Variants in IPO4 observed in about 807,000 individuals in gnomAD.
The protein encoded by IPO4 is importin 4.
Under a neutral mutation model 133.5 loss-of-function variants are expected in IPO4, and 91 were observed. The ratio of observed to expected loss-of-function variants is 0.68; its 90% CI spans 0.58 to 0.81. The LOEUF (loss-of-function observed/expected upper bound fraction) is 0.81. Ranked by LOEUF, IPO4 falls within the 30% of genes least tolerant of loss-of-function variation. The pLI, the probability that IPO4 is intolerant of heterozygous loss-of-function variation, is 0.00. For missense variants in IPO4, 1,279 were observed against 1,386.2 expected, an observed-to-expected ratio of 0.92 and a Z score of 1.23; for synonymous variants, 607 against 581.6, an observed-to-expected ratio of 1.04 and a Z score of -0.63.
chr14:24,187,418 G>A lies in IPO4; in HGVS notation c.570C>T (p.Tyr190=). Residue 190 remains tyrosine, a synonymous_variant, in exon 6 of 30, where the codon TAC becomes TAT. Coordinates refer to ENST00000354464, the MANE Select transcript of IPO4 (RefSeq NM_024658.4). ...ATCTCACCACATCTTCAGTGCTGAG[G>A]TAGGGAGCCATGGTGGTCAGAGTGC... ...SLRTLTTMAP[Y]LSTEDVPLAR... is the part of the protein sequence containing the mutation. The A allele has an allele frequency of 6.2e-7, 1 of 1,614,166 alleles. No individual in the cohort carries two copies. The highest frequency in any genetic ancestry group is 1.3e-5 in the African/African-American group (1 of 75,048).
In IPO4 at chr14:24,187,784, G is replaced by T; in HGVS notation, c.291C>A (p.Ser97Arg). 6.2e-7 allele frequency: 1 copy of T among 1,614,110 alleles called. No individual in the cohort carries two copies. The highest frequency in any genetic ancestry group is 1.1e-5 in the South Asian group (1 of 91,066). ...TGGCTGAGAGCTGGGCCAGGCTGAG[G>T]CTCACACAGTGCCTGCAAACAGGAG... ...ALQRETEHCV[S>R]LSLAQLSATI... Residue 97 changes from serine to arginine, a missense_variant, in exon 5 of 30, where the codon AGC becomes AGA. By Grantham distance (110) the Ser-to-Arg change is moderately radical. Transcript: ENST00000354464.
chr14:24,187,666 CCT>C lies in IPO4; in HGVS notation c.407_408del (p.Glu136AspfsTer30). ...CCCTCCTGCCAACCATGTGATGGTACCTCTCTCTCTGGGCTGTGGGGGCTGTG... is the reference window on the plus strand; with the variant it reads ...CCCTCCTGCCAACCATGTGATGGTACCTCTCTCTGGGCTGTGGGGGCTGTG... Reference protein sequence around the residue: ...STHSPHSPEREMGLLLLSVVV... With the variant: ...STHSPHSPERXMGLLLLSVVV... On this transcript the variant is annotated frameshift_variant and splice_region_variant, in exon 5 of 30. Coordinates refer to ENST00000354464, the MANE Select transcript of IPO4 (RefSeq NM_024658.4). LOFTEE classifies it high-confidence loss of function. 1.2e-6 allele frequency: 2 copies of C among 1,613,954 alleles called. No individual in the cohort carries two copies. The highest frequency in any genetic ancestry group is 1.7e-6 in the Non-Finnish European group (2 of 1,179,840).
In IPO4 at chr14:24,185,478, T is replaced by C. The variant is rs1270256645; in HGVS notation, c.1259A>G (p.Gln420Arg). The C allele has an allele frequency of 6.2e-7, 1 of 1,614,076 alleles. No homozygotes were observed. Among genetic ancestry groups the C allele is most frequent in the Non-Finnish European group, 8.5e-7 (1 of 1,180,022 alleles). Residue 420 changes from glutamine (Q) to arginine (R), a missense_variant, in exon 13 of 30, where the codon CAG (glutamine) becomes CGG (arginine). Gln to Arg is a conservative substitution (Grantham distance 43). This residue lies in a region of IPO4 where 695 missense variants were observed against 704.1 expected (regional missense o/e 0.99). Transcript: ENST00000354464. ...VRNAALFALG[Q>R]FSENLQPHIS... ...GTTCACCTGTAGGTTTTCTGAGAAC[T>C]GGCCCAGGGCAAACAGCGCAGCATT...
In IPO4 at chr14:24,181,621, G is replaced by A. The variant is rs769396452; in HGVS notation, c.2941-4C>T. ...CATGCAGTAGGGCAGCCAGCACCTG[G>A]GCACACAAATGTCTCAGGCCAACCT... On this transcript the variant is annotated splice_region_variant and splice_polypyrimidine_tract_variant and intron_variant, in intron 27 of 29. Transcript: ENST00000354464. 5.6e-6 allele frequency: 9 copies of A among 1,614,020 alleles called. No individual in the cohort carries two copies. In the Admixed American group the frequency reaches 1.5e-4, roughly 27 times the overall value.
rs145820866 is a variant in IPO4, at chr14:24,180,856, G to C, written c.3046-98C>G. 2,239 of 965,982 alleles carry C rather than the reference G, an allele frequency of 2.3e-3. 26 individuals are homozygous for C. The African/African-American group carries it at 0.026, about 11-fold the overall frequency. The allele number at this position is 965,982 out of a possible 1,614,324, so 59.8% of individuals were successfully genotyped here. On this transcript the variant is annotated intron_variant, in intron 28 of 29. Coordinates refer to ENST00000354464, the MANE Select transcript of IPO4 (RefSeq NM_024658.4). ...GAGTGGCAGAATCTCTTATCAGGGG[G>C]GTGGTTGCACCTGGTACTGATTCAC... is the stretch of plus-strand genomic sequence containing the variant.
Position 24,181,695 on chromosome 14 carries a change from T to C in IPO4, c.2940+16A>G, listed in dbSNP as rs199744643. 6.0e-5 allele frequency: 97 copies of C among 1,608,346 alleles called. No homozygotes were observed. The African/African-American group carries it at 8.7e-4, about 14-fold the overall frequency. ...TCCTCAGCTTCCAAGCCCTGCCTGA[T>C]GTCTCCCTCCCTCACCTGGGGCTCT... On this transcript the variant is annotated intron_variant, in intron 27 of 29. Transcript: ENST00000354464.
chr14:24,184,467 G>T, intron 16 of IPO4, 49 bp from the exon 17 acceptor site: 2 of 1,575,512 alleles, frequency 1.3e-6, no homozygotes. Flanking sequence ...GGTGGGCTAC[G>T]GGACCAAAGG....
chr14:24,184,177 G>A (rs1357387813), intron 17 of IPO4, 68 bp from the exon 18 acceptor site: 123 of 1,569,546 alleles, frequency 7.8e-5, no homozygotes, highest in East Asian at 2.5e-4. Context: ...GGGGGAGCCC[G>A]GGAACACCTG....
Position 24,183,109 on chromosome 14 carries a change from C to T in IPO4, c.2288G>A (p.Arg763Gln), listed in dbSNP as rs367855911. ...CACGGCCATCACCACCTGGCGTTCC[C>T]GCTCCCTGTTCACTGCCTGCATGTA... ...PSYMQAVNRE[R>Q]ERQVVMAVLE... Residue 763 changes from arginine to glutamine, a missense_variant, in exon 23 of 30, where the codon CGG becomes CAG. Coordinates refer to ENST00000354464, the MANE Select transcript of IPO4 (RefSeq NM_024658.4). 2.1e-5 allele frequency: 34 copies of T among 1,613,784 alleles called. No homozygotes were observed. The highest frequency in any genetic ancestry group is 4.5e-5 in the East Asian group (2 of 44,896).
rs1364789957 is a variant in IPO4, at chr14:24,181,582, C to T, written c.2976G>A (p.Lys992=). 4 of 1,612,956 alleles carry T rather than the reference C, an allele frequency of 2.5e-6. No individual in the cohort carries two copies. The highest frequency in any genetic ancestry group is 3.3e-5 in the Admixed American group (2 of 59,846). ...LAALLHALPL[K]EDLEEWVTIG... is the part of the protein sequence containing the mutation. ...TGGTGACCCACTCCTCCAAGTCCTC[C>T]TTCAGTGGCAGGGCATGCAGTAGGG... The change falls in exon 28 of 30, where the codon AAG becomes AAA. Residue 992 remains lysine (K), a synonymous_variant. Transcript: ENST00000354464.
chr14:24,187,212 T>G, intron 6 of IPO4, 62 bp from the exon 7 acceptor site: 1 of 1,569,434 alleles, frequency 6.4e-7, no homozygotes, highest in Non-Finnish European at 8.8e-7. Context: ...AGCTGGCAGC[T>G]TCCTCACAGC....
Position 24,183,491 on chromosome 14 carries a change from C to A in IPO4, c.2086G>T (p.Glu696Ter). The A allele has an allele frequency of 6.2e-7, 1 of 1,613,660 alleles. No homozygotes were observed. Among genetic ancestry groups the A allele is most frequent in the South Asian group, 1.1e-5 (1 of 91,000 alleles). The change falls in exon 21 of 30, where the codon GAA (glutamate) becomes TAA (stop). Residue 696 changes from glutamate (E) to a stop codon, truncating the protein, a stop_gained. Coordinates refer to ENST00000354464, the MANE Select transcript of IPO4 (RefSeq NM_024658.4). LOFTEE classifies it high-confidence loss of function. ...NTSVAFLPYM[E>*]SVFEEVFKLL... is the part of the protein sequence containing the mutation. ...TTAAATACTTCTTCAAAGACACTTTCCATGTATGGAAGGAAGGCCACACTA... is the reference window on the plus strand; with the variant it reads ...TTAAATACTTCTTCAAAGACACTTTACATGTATGGAAGGAAGGCCACACTA...
rs777617794 is a variant in IPO4, at chr14:24,188,212, T to A, written c.278+4A>T. 14 of 1,612,908 alleles carry A rather than the reference T, an allele frequency of 8.7e-6. No individual in the cohort carries two copies. The highest frequency in any genetic ancestry group is 8.5e-7 in the Non-Finnish European group (1 of 1,179,482). On this transcript the variant is annotated splice_donor_region_variant and intron_variant, in intron 4 of 29. Transcript: ENST00000354464. ...GATCCCGAGAGAAGTGGGTAGGTAC[T>A]TACTCTGTTTCTCTCTGCAGGGCCG...
chr14:24,188,409 C>T lies in IPO4; in HGVS notation c.171G>A (p.Ala57=), dbSNP rs1452143935. 1 of 1,611,776 alleles carries T rather than the reference C, an allele frequency of 6.2e-7. No individual in the cohort carries two copies. The highest frequency in any genetic ancestry group is 1.7e-5 in the Admixed American group (1 of 60,004). Residue 57 remains alanine (A), a synonymous_variant, in exon 3 of 30, where the codon GCG becomes GCA. Coordinates refer to ENST00000354464, the MANE Select transcript of IPO4 (RefSeq NM_024658.4). Reference sequence around the variant, plus strand: ...TCAGTCGTCTGCGGGTCAGCACGGCCGCAAACTGGCGGATCTAGGACGAGG... The same window carrying T: ...TCAGTCGTCTGCGGGTCAGCACGGCTGCAAACTGGCGGATCTAGGACGAGG... ...SAADPQIRQF[A]AVLTRRRLNT...
At position 24,186,935 on chromosome 14, in the gene IPO4, C is replaced by G. The variant is rs1206671068; in HGVS notation, c.699G>C (p.Glu233Asp). 6.2e-7 allele frequency: 1 copy of G among 1,614,176 alleles called. No individual in the cohort carries two copies. Among genetic ancestry groups the G allele is most frequent in the Non-Finnish European group, 8.5e-7 (1 of 1,180,026 alleles). Residue 233 changes from glutamate to aspartate, a missense_variant, in exon 8 of 30, where the codon GAG becomes GAC. Glu to Asp is a conservative substitution (Grantham distance 45). Around this residue, in one of 3 missense-constraint regions of IPO4, gnomAD observed 695 missense variants for 704.1 expected, o/e 0.99. Coordinates refer to ENST00000354464, the MANE Select transcript of IPO4 (RefSeq NM_024658.4). ...EALEALDELLESEVPVITPYL... is the reference protein window; with the variant it reads ...EALEALDELLDSEVPVITPYL... ...AGGGGGTGATGACCGGCACCTCTGA[C>G]TCCAACAGTTCATCCAAAGCCTCAA...
At chr14:24,187,914 T>C in intron 4 of IPO4, 118 bp from the exon 5 acceptor site, 1 of 1,324,102 alleles carries the variant, frequency 7.6e-7, no homozygotes, top group African/African-American at 1.5e-5. Flanking sequence ...ACAGGGTCTT[T>C]GCCAAGTTGG....
Position 24,183,111 on chromosome 14 carries a change from C to T in IPO4, c.2286G>A (p.Glu762=). 4.3e-6 allele frequency: 7 copies of T among 1,613,918 alleles called. No homozygotes were observed. The highest frequency in any genetic ancestry group is 5.9e-6 in the Non-Finnish European group (7 of 1,180,024). ...CGGCCATCACCACCTGGCGTTCCCG[C>T]TCCCTGTTCACTGCCTGCATGTAGG... ...VPSYMQAVNR[E]RERQVVMAVL... is the part of the protein sequence containing the mutation. The change falls in exon 23 of 30, where the codon GAG becomes GAA. Residue 762 remains glutamate (E), a synonymous_variant. Coordinates refer to ENST00000354464, the MANE Select transcript of IPO4 (RefSeq NM_024658.4).
rs566741453 is a variant in IPO4 at position 24,184,882 on chromosome 14, C to T, written c.1507G>A (p.Ala503Thr). The part of the protein sequence containing the change: ...SPRAKELAVS[A>T]LGAIATAAQA... Reference sequence around the variant, plus strand: ...CTCTCCTCACCAATGGCTCCCAGGGCGCTCACAGCCAGCTCCTTGGCCCGG... The same window carrying T: ...CTCTCCTCACCAATGGCTCCCAGGGTGCTCACAGCCAGCTCCTTGGCCCGG... The change falls in exon 15 of 30, where the codon GCC (alanine) becomes ACC (threonine). Residue 503 changes from alanine (A) to threonine (T), a missense_variant. By Grantham distance (58) the Ala-to-Thr change is moderately conservative. Transcript: ENST00000354464. 26 of 1,613,918 alleles carry T rather than the reference C, an allele frequency of 1.6e-5. No homozygotes were observed. Among genetic ancestry groups the T allele is most frequent in the Middle Eastern group, 1.7e-4 (1 of 6,060 alleles).
At chr14:24,186,090 T>C (rs1235481206) in intron 11 of IPO4, 39 bp downstream of exon 11, 1 of 1,611,974 alleles carries the variant, frequency 6.2e-7, no homozygotes, top group East Asian at 2.2e-5. Context: ...CTAGGCACAC[T>C]TGGAGGTAGG....
Sources: gnomAD v4.1 joint callset for allele counts on GRCh38, gnomAD v4.1.1 for gene constraint, gnomAD v4.1.1 regional missense constraint, MANE v1.5 for transcripts, NCBI Gene and HGNC (gene_info 2026-07-23, HGNC 2026-07-21) for gene names.